Variants in SLC47A1 observed in about 807,000 individuals in gnomAD.
SLC47A1 encodes the protein solute carrier family 47 member 1, also known as multidrug and toxin extrusion protein 1.
A neutral mutation model predicts 65.8 loss-of-function variants in SLC47A1; 58 were observed. The observed-to-expected ratio is 0.88, with a 90% CI of 0.71 to 1.10. The LOEUF (loss-of-function observed/expected upper bound fraction) is 1.10, where lower values mean the gene tolerates loss of function less well. Ranked by LOEUF, SLC47A1 falls within the 50% of genes least tolerant of loss-of-function variation. SLC47A1 has a pLI of 0.00. For synonymous variants in SLC47A1, 285 were observed against 295.0 expected, an observed-to-expected ratio of 0.97 and a Z score of 0.35; for missense variants, 706 against 719.2, an observed-to-expected ratio of 0.98 and a Z score of 0.21.
intron 2 of SLC47A1, 29 bp from the exon 3 acceptor site, chr17:19,546,406 T>A: frequency 6.2e-7 from 1 of 1,610,602 alleles, no homozygotes; most frequent in Non-Finnish European, 8.5e-7. Context: ...TTTAACTCTA[T>A]AGGGCCTTAT....
At chr17:19,537,611 C>T (rs1039228749) in intron 1 of SLC47A1, among the ~76,000 whole-genome samples, 22 of 152,238 alleles carry the variant, frequency 1.4e-4, no homozygotes, top group Non-Finnish European at 2.9e-5. Context: ...CTCACCAAGG[C>T]CTTTGGCTTT....
rs150418147 is a variant in SLC47A1, at chr17:19,577,616, A to G, written c.*63A>G. 5.6e-3 allele frequency: 8,959 copies of G among 1,598,670 alleles called. 44 individuals are homozygous for G. The highest frequency in any genetic ancestry group is 0.011 in the South Asian group (951 of 89,260). On this transcript the variant is annotated 3_prime_UTR_variant, in exon 17 of 17. Coordinates refer to ENST00000270570, the MANE Select transcript of SLC47A1 (RefSeq NM_018242.3). ...GAGCTTACACACAATTCACAGGCCC[A>G]CCAGTGACAATTTACTGTGAGTTAA...
intron 2 of SLC47A1, 111 bp downstream of exon 2, chr17:19,542,605 C>T (rs866578625): frequency 5.7e-6 from 5 of 878,472 alleles, no homozygotes; most frequent in African/African-American, 1.7e-5. Flanking sequence ...GACTTATTCT[C>T]TTACAGTGCT....
chr17:19,577,169 C>T (rs572473532), intron 16 of SLC47A1, among the ~76,000 whole-genome samples, 158 bp from the exon 17 acceptor site: 1 of 152,144 alleles, frequency 6.6e-6, no homozygotes, highest in Non-Finnish European at 1.5e-5. Flanking sequence ...AGTGGAGGGG[C>T]ACTCTGCGAT....
chr17:19,574,358 T>G (rs763502886), intron 16 of SLC47A1, among the ~76,000 whole-genome samples: 1 of 152,166 alleles, frequency 6.6e-6, no homozygotes, highest in Non-Finnish European at 1.5e-5. Flanking sequence ...GTGATCTGGA[T>G]GTAGGTCTCT....
At chr17:19,561,372 G>A (rs942383027) in intron 12 of SLC47A1, among the ~76,000 whole-genome samples, 1 of 151,772 alleles carries the variant, frequency 6.6e-6, no homozygotes, top group Non-Finnish European at 1.5e-5. Context: ...GGCCGGGCGC[G>A]GTGGCTCACA....
chr17:19,562,598 C>T (rs2084321936), intron 12 of SLC47A1, among the ~76,000 whole-genome samples: 1 of 151,734 alleles, frequency 6.6e-6, no homozygotes, highest in South Asian at 2.1e-4. Context: ...CTCCCTCACT[C>T]AGAATGAGTG....
At chr17:19,536,999 G>C (rs1165737977) in intron 1 of SLC47A1, among the ~76,000 whole-genome samples, 1 of 152,246 alleles carries the variant, frequency 6.6e-6, no homozygotes, top group Non-Finnish European at 1.5e-5. Context: ...GCTTGAGGAA[G>C]ACTGGATTTG....
At position 19,551,478 on chromosome 17, in the gene SLC47A1, A is replaced by G. The variant is rs1916446635; in HGVS notation, c.543+10A>G. 6.2e-7 allele frequency: 1 copy of G among 1,608,672 alleles called. No individual in the cohort carries two copies. The highest frequency in any genetic ancestry group is 8.5e-7 in the Non-Finnish European group (1 of 1,175,078). On this transcript the variant is annotated intron_variant, in intron 6 of 16. Coordinates refer to ENST00000270570, the MANE Select transcript of SLC47A1 (RefSeq NM_018242.3). ...ATATTTGCTCAACCAGGTAATACTG[A>G]CTGTTCTCTTCCTTTGGGAGGCTAA...
At chr17:19,565,872 T>C (rs1377776093) in intron 12 of SLC47A1, among the ~76,000 whole-genome samples, 1 of 152,094 alleles carries the variant, frequency 6.6e-6, no homozygotes, top group Non-Finnish European at 1.5e-5. Flanking sequence ...TGAGCCACCG[T>C]GCCTGGTGGT....
At position 19,533,911 on chromosome 17, in the gene SLC47A1, G is replaced by A. The variant is rs1323668948; in HGVS notation, c.-29G>A. On this transcript the variant is annotated 5_prime_UTR_variant, in exon 1 of 17. Transcript: ENST00000270570. The stretch of plus-strand genomic sequence containing the variant: ...TCCGCGGTACCCACTGCCGGCCTCC[G>A]CGCTACCCGGCCGCAGCGCGCGAGT... 2 of 1,472,294 alleles carry A rather than the reference G, an allele frequency of 1.4e-6. No individual in the cohort carries two copies. Among genetic ancestry groups the A allele is most frequent in the Non-Finnish European group, 1.8e-6 (2 of 1,116,556 alleles). The allele number at this position is 1,472,294 out of a possible 1,614,324, so 91.2% of individuals were successfully genotyped here.
rs1219534142 is a variant in SLC47A1, at chr17:19,578,772, A to G, written c.*1219A>G. On this transcript the variant is annotated 3_prime_UTR_variant, in exon 17 of 17. Coordinates refer to ENST00000270570, the MANE Select transcript of SLC47A1 (RefSeq NM_018242.3). Reference sequence around the variant, plus strand: ...GTGAAACTGCGTGCTGTAAGCTGGGACCAGCTTTGTCCATAACTGCTGAGA... The same window carrying G: ...GTGAAACTGCGTGCTGTAAGCTGGGGCCAGCTTTGTCCATAACTGCTGAGA... 4.6e-5 allele frequency: 7 copies of G among 152,218 alleles called. No individual in the cohort carries two copies. Among genetic ancestry groups the G allele is most frequent in the Non-Finnish European group, 8.8e-5 (6 of 68,048 alleles). 9.4% of individuals were successfully genotyped at this position (152,218 alleles called of 1,614,324 possible). A position where few individuals can be genotyped will look rare whatever the true frequency, so the allele number is the denominator to read the frequency against.
intron 12 of SLC47A1, among the ~76,000 whole-genome samples, chr17:19,564,998 C>G (rs2084345140): frequency 6.6e-6 from 1 of 152,150 alleles, no homozygotes. Context: ...GGATTACAGG[C>G]ATGAGCCACC....
intron 14 of SLC47A1, among the ~76,000 whole-genome samples, chr17:19,571,246 A>C (rs1158765923): frequency 6.6e-6 from 1 of 152,132 alleles, no homozygotes; most frequent in Admixed American, 6.6e-5. Flanking sequence ...ACCAAAAGAG[A>C]TGGCCCTTTT....
At chr17:19,534,158 G>A in intron 1 of SLC47A1, 84 bp downstream of exon 1, 2 of 1,400,564 alleles carry the variant, frequency 1.4e-6, no homozygotes, top group African/African-American at 1.5e-5. Flanking sequence ...ACTTTGGCGG[G>A]CTTTGGGGAC....
At chr17:19,542,614 C>A in intron 2 of SLC47A1, 120 bp downstream of exon 2, 1 of 738,802 alleles carries the variant, frequency 1.4e-6, no homozygotes, top group Non-Finnish European at 2.1e-6. Flanking sequence ...TCTTACAGTG[C>A]TGGAGTGCAG....
At chr17:19,557,279 GT>G (rs1347032059) in intron 10 of SLC47A1, 1 of 165,304 alleles carries the variant, frequency 6.0e-6, no homozygotes, top group Non-Finnish European at 1.3e-5. Flanking sequence ...TTTTGTTTTT[GT>G]TTTTCTATCC....
intron 1 of SLC47A1, among the ~76,000 whole-genome samples, chr17:19,541,644 T>C (rs566902029): frequency 6.6e-5 from 10 of 152,300 alleles, no homozygotes; most frequent in Non-Finnish European, 5.9e-5. Flanking sequence ...GTGGACGATC[T>C]CATCGCTACC....
chr17:19,558,517 A>T (rs562076891), intron 10 of SLC47A1, among the ~76,000 whole-genome samples: 2 of 150,544 alleles, frequency 1.3e-5, no homozygotes, highest in South Asian at 4.2e-4. Context: ...CAGCGGCCTG[A>T]TCTTGGCTTA....
Sources: gnomAD v4.1 joint callset for allele counts (sites outside exome capture counted in the v4.1 genomes callset) on GRCh38, gnomAD v4.1.1 for gene constraint, MANE v1.5 for transcripts, NCBI Gene and HGNC (gene_info 2026-07-23, HGNC 2026-07-21) for gene names.